The following TMEM266 variants were observed in gnomAD, a reference collection of about 807,000 sequenced individuals.
TMEM266 encodes the protein transmembrane protein 266, also known as Hv1 related protein 1.
Under a neutral mutation model 50.5 loss-of-function variants are expected in TMEM266, and 33 were observed. That is an observed-to-expected ratio of 0.65 (90% CI 0.50 to 0.87). The LOEUF is 0.87. Ranked by LOEUF, TMEM266 falls within the 40% of genes least tolerant of loss-of-function variation. TMEM266 has a pLI of 0.00. For missense variants in TMEM266, 655 were observed against 695.1 expected, an observed-to-expected ratio of 0.94 and a Z score of 0.65; for synonymous variants, 310 against 292.3, an observed-to-expected ratio of 1.06 and a Z score of -0.62.
intron 8 of TMEM266, among the ~76,000 whole-genome samples, chr15:76,182,460 C>A (rs939241925): frequency 8.6e-5 from 13 of 150,386 alleles, no homozygotes; most frequent in Middle Eastern, 3.4e-3. Context: ...CACGGTGAAA[C>A]CCCGTCTCTA....
chr15:76,078,326 G>A (rs562641239), intron 1 of TMEM266, among the ~76,000 whole-genome samples: 2 of 151,922 alleles, frequency 1.3e-5, no homozygotes, highest in African/African-American at 2.4e-5. Flanking sequence ...GTGAATATGA[G>A]CATTTTCAAT....
At chr15:76,172,832 C>T (rs1158686139) in intron 7 of TMEM266, among the ~76,000 whole-genome samples, 2 of 152,220 alleles carry the variant, frequency 1.3e-5, no homozygotes, top group African/African-American at 4.8e-5. Flanking sequence ...GCTCAGGGCC[C>T]TGTTCTTGGC....
intron 1 of TMEM266, among the ~76,000 whole-genome samples, chr15:76,095,237 A>G (rs1342095580): frequency 6.6e-6 from 1 of 151,990 alleles, no homozygotes; most frequent in Non-Finnish European, 1.5e-5. Flanking sequence ...TTGGTATTAT[A>G]TTGGCTGTGG....
chr15:76,170,248 G>A (rs1238712217), intron 6 of TMEM266, among the ~76,000 whole-genome samples: 2 of 152,216 alleles, frequency 1.3e-5, no homozygotes, highest in African/African-American at 2.4e-5. Context: ...TCTGCTTCCC[G>A]CCACACGGGT....
At chr15:76,195,590 CTG>C (rs1292229626) in intron 9 of TMEM266, among the ~76,000 whole-genome samples, 4 of 152,276 alleles carry the variant, frequency 2.6e-5, no homozygotes, top group African/African-American at 9.6e-5. Context: ...GGATCTTCCT[CTG>C]TGACAGCCTC....
chr15:76,195,406 C>T (rs1200015035), intron 9 of TMEM266, among the ~76,000 whole-genome samples: 1 of 152,236 alleles, frequency 6.6e-6, no homozygotes, highest in Non-Finnish European at 1.5e-5. Context: ...GGCCAGTCAG[C>T]AGTAGTCCAC....
At chr15:76,066,853 C>T (rs974727032) in intron 1 of TMEM266, among the ~76,000 whole-genome samples, 1 of 152,050 alleles carries the variant, frequency 6.6e-6, no homozygotes, top group African/African-American at 2.4e-5. Context: ...CAGAGTTTCT[C>T]AACTTCAACA....
At position 76,192,148 on chromosome 15, in the gene TMEM266, C is replaced by A. The variant is rs1251306158; in HGVS notation, c.949C>A (p.Pro317Thr). Residue 317 changes from proline to threonine, a missense_variant, in exon 9 of 11, where the codon CCC becomes ACC. By Grantham distance (38) the Pro-to-Thr change is conservative (BLOSUM62 -1). This residue lies in a region of TMEM266 where 455 missense variants were observed against 401.8 expected (regional missense o/e 1.13). Transcript: ENST00000388942. ...CGAGAGCGTCGTGGAGGAGCTGCAG[C>A]CCTCGCAAGGTAAGCCCGGGTCTCC... is the stretch of plus-strand genomic sequence containing the variant. 4 of 1,400,840 alleles carry A rather than the reference C, an allele frequency of 2.9e-6. No individual in the cohort carries two copies. Among genetic ancestry groups the A allele is most frequent in the Non-Finnish European group, 3.7e-6 (4 of 1,080,832 alleles). The allele number at this position is 1,400,840 out of a possible 1,614,324, so 86.8% of individuals were successfully genotyped here.
intron 1 of TMEM266, among the ~76,000 whole-genome samples, chr15:76,132,113 AT>A (rs10648544): frequency 4.3e-4 from 63 of 145,718 alleles, no homozygotes; most frequent in African/African-American, 4.0e-4. Flanking sequence ...TACCAATCCA[AT>A]TTTTTTTTTT....
Position 76,141,275 on chromosome 15 carries a change from G to A in TMEM266, c.227+3380G>A, listed in dbSNP as rs182764370. On this transcript the variant is annotated intron_variant, in intron 3 of 10. Coordinates refer to ENST00000388942, the MANE Select transcript of TMEM266 (RefSeq NM_152335.3). ...TTTTGAGACAAAGTCTTGCTTTGTC[G>A]CCCAGGCTGCAGTGTAGTGGCACGA... Among the ~76,000 whole-genome samples the A allele has an allele frequency of 2.0e-4, 29 of 142,210 alleles. No individual in the cohort carries two copies. In the East Asian group the frequency reaches 5.3e-3, roughly 26 times the overall value. 93.3% of individuals were successfully genotyped at this position (142,210 alleles called of 152,430 possible).
At chr15:76,079,594 C>T (rs2036654401) in intron 1 of TMEM266, among the ~76,000 whole-genome samples, 1 of 150,364 alleles carries the variant, frequency 6.7e-6, no homozygotes, top group South Asian at 2.1e-4. Context: ...TCAAGACCAG[C>T]CTGGCCAACA....
At chr15:76,171,401 G>A (rs916194480) in intron 7 of TMEM266, among the ~76,000 whole-genome samples, 1 of 152,160 alleles carries the variant, frequency 6.6e-6, no homozygotes, top group East Asian at 1.9e-4. Context: ...TGTGAGCCTG[G>A]GGGGGCCAGC....
At chr15:76,134,425 T>C in intron 2 of TMEM266, 124 bp downstream of exon 2, 1 of 945,182 alleles carries the variant, frequency 1.1e-6, no homozygotes. Flanking sequence ...CCACAGAAAA[T>C]GGAGAAACCT....
intron 9 of TMEM266, among the ~76,000 whole-genome samples, chr15:76,197,539 G>GA (rs2038673362): frequency 6.6e-6 from 1 of 152,240 alleles, no homozygotes; most frequent in Non-Finnish European, 1.5e-5. Context: ...TTTTCAAAAT[G>GA]AAACAGGTGT....
At chr15:76,130,964 A>C (rs1338232311) in intron 1 of TMEM266, among the ~76,000 whole-genome samples, 1 of 152,218 alleles carries the variant, frequency 6.6e-6, no homozygotes, top group East Asian at 1.9e-4. Context: ...GAAATGTGCA[A>C]AAAGTTTGGA....
intron 1 of TMEM266, among the ~76,000 whole-genome samples, chr15:76,085,757 T>A (rs1315670408): frequency 2.6e-5 from 4 of 152,036 alleles, no homozygotes; most frequent in Non-Finnish European, 2.9e-5. Context: ...CATACAAAAA[T>A]GTCCACAGGC....
chr15:76,094,744 A>G (rs984764441), intron 1 of TMEM266, among the ~76,000 whole-genome samples: 5 of 152,078 alleles, frequency 3.3e-5, no homozygotes, highest in East Asian at 1.9e-4. Flanking sequence ...CTTCCTATCC[A>G]TGAGCATGGA....
chr15:76,199,969 G>A (rs1042855603), intron 9 of TMEM266, among the ~76,000 whole-genome samples: 1 of 152,124 alleles, frequency 6.6e-6, no homozygotes, highest in Non-Finnish European at 1.5e-5. Context: ...GTACCTGTGT[G>A]GAGGGCAGGA....
At chr15:76,193,172 G>A (rs1567183528) in intron 9 of TMEM266, among the ~76,000 whole-genome samples, 1 of 152,244 alleles carries the variant, frequency 6.6e-6, no homozygotes, top group Admixed American at 6.5e-5. Context: ...ACCGATGGGT[G>A]TGAGAAAGCT....
Sources: gnomAD v4.1 joint callset for allele counts (sites outside exome capture counted in the v4.1 genomes callset) on GRCh38, gnomAD v4.1.1 for gene constraint, gnomAD v4.1.1 regional missense constraint, MANE v1.5 for transcripts, NCBI Gene and HGNC (gene_info 2026-07-23, HGNC 2026-07-21) for gene names.